The following ZFAND3 variants were observed in gnomAD, a reference collection of about 807,000 sequenced individuals.
ZFAND3 encodes the protein AN1-type zinc finger protein 3.
Under a neutral mutation model 29.6 loss-of-function variants are expected in ZFAND3, and 10 were observed. That is an observed-to-expected ratio of 0.34 (90% confidence interval 0.21 to 0.57). The LOEUF is 0.57. Among genes scored for constraint, ZFAND3 ranks in the 20% least tolerant of loss-of-function variants. ZFAND3 has a pLI of 0.86. For missense variants in ZFAND3, 230 were observed against 304.5 expected (o/e 0.76, Z 1.82); for synonymous variants, 128 against 112.6 (o/e 1.14, Z -0.87).
intron 3 of ZFAND3, among the ~76,000 whole-genome samples, chr6:38,078,321 C>T (rs1369430253): frequency 6.6e-6 from 1 of 152,144 alleles, no homozygotes; most frequent in African/African-American, 2.4e-5. Context: ...AACCAGTTAC[C>T]AGAGGCTTTA....
At chr6:38,036,240 G>A (rs1172370728) in intron 2 of ZFAND3, among the ~76,000 whole-genome samples, 5 of 152,180 alleles carry the variant, frequency 3.3e-5, no homozygotes, top group Non-Finnish European at 7.3e-5. Context: ...GAACCCAGGG[G>A]TGACCCCTAA....
chr6:38,123,545 A>T (rs1263904032), intron 5 of ZFAND3, among the ~76,000 whole-genome samples: 1 of 152,198 alleles, frequency 6.6e-6, no homozygotes, highest in Non-Finnish European at 1.5e-5. Context: ...ATCTTTTATT[A>T]TGACCAAAAC....
At chr6:37,860,613 T>C (rs1284303425) in intron 1 of ZFAND3, among the ~76,000 whole-genome samples, 1 of 151,798 alleles carries the variant, frequency 6.6e-6, no homozygotes, top group Non-Finnish European at 1.5e-5. Context: ...CAGTGATGTT[T>C]AGTGCCAAGG....
intron 1 of ZFAND3, among the ~76,000 whole-genome samples, chr6:37,884,927 A>C (rs1764962545): frequency 6.6e-6 from 1 of 152,178 alleles, no homozygotes; most frequent in Non-Finnish European, 1.5e-5. Flanking sequence ...TTTTCCCTCC[A>C]CCTTCAAATT....
chr6:37,913,785 A>G (rs550273142), intron 1 of ZFAND3, among the ~76,000 whole-genome samples: 42 of 142,368 alleles, frequency 3.0e-4, no homozygotes, highest in Admixed American at 1.1e-3. Flanking sequence ...ATCTTGACTC[A>G]CTGCAACCTC....
chr6:38,041,997 G>A (rs570704253), intron 2 of ZFAND3, among the ~76,000 whole-genome samples: 4 of 149,028 alleles, frequency 2.7e-5, no homozygotes, highest in African/African-American at 5.0e-5. Context: ...CACCACACAC[G>A]GCTTTTTTTT....
At chr6:37,845,215 T>A (rs1462174152) in intron 1 of ZFAND3, among the ~76,000 whole-genome samples, 1 of 152,172 alleles carries the variant, frequency 6.6e-6, no homozygotes, top group Non-Finnish European at 1.5e-5. Context: ...TTTAATCTTC[T>A]ACTGATGGTG....
In ZFAND3 at chr6:37,977,458, C is replaced by T. The variant is rs148714242; in HGVS notation, c.112+47459C>T. 1.2e-3 allele frequency among the ~76,000 whole-genome samples: 184 copies of T among 152,100 alleles called. 2 individuals carry two copies. In the South Asian group the frequency reaches 0.024, roughly 20 times the overall value. The stretch of plus-strand genomic sequence containing the variant: ...CTAGGATTACAGGTGCCCACCACTA[C>T]GCCTGGGTAATTTTTGTATTTTTAG... On this transcript the variant is annotated intron_variant, in intron 2 of 5. Transcript: ENST00000287218.
intron 2 of ZFAND3, among the ~76,000 whole-genome samples, chr6:37,951,377 G>A (rs954376229): frequency 6.6e-6 from 1 of 152,088 alleles, no homozygotes; most frequent in African/African-American, 2.4e-5. Flanking sequence ...CGAATCACGA[G>A]GTCAGGAGAT....
At chr6:37,918,704 G>C (rs1761314148) in intron 1 of ZFAND3, among the ~76,000 whole-genome samples, 1 of 152,096 alleles carries the variant, frequency 6.6e-6, no homozygotes, top group Non-Finnish European at 1.5e-5. Flanking sequence ...ACTTGGGTAG[G>C]ACAGGTGAAT....
chr6:38,128,480 C>A (rs926891474), intron 5 of ZFAND3, among the ~76,000 whole-genome samples: 4 of 152,134 alleles, frequency 2.6e-5, no homozygotes, highest in Non-Finnish European at 5.9e-5. Flanking sequence ...TATCCCTCAC[C>A]CCCTTCCCAC....
At chr6:37,974,092 C>A (rs1171570876) in intron 2 of ZFAND3, among the ~76,000 whole-genome samples, 1 of 152,206 alleles carries the variant, frequency 6.6e-6, no homozygotes, top group Non-Finnish European at 1.5e-5. Context: ...TACCTGCCAC[C>A]TTTACCTTCA....
chr6:38,077,827 A>G (rs1406451740), intron 3 of ZFAND3, among the ~76,000 whole-genome samples: 4 of 152,226 alleles, frequency 2.6e-5, no homozygotes, highest in Non-Finnish European at 4.4e-5. Flanking sequence ...AAATGCAGCT[A>G]TCCTCCAAAC....
intron 2 of ZFAND3, among the ~76,000 whole-genome samples, chr6:37,970,646 GT>G (rs1221769083): frequency 5.3e-5 from 8 of 152,194 alleles, no homozygotes; most frequent in Admixed American, 5.2e-4. Flanking sequence ...CTCAACGCCT[GT>G]AATCCCAGCA....
chr6:37,981,286 A>G (rs1389679162), intron 2 of ZFAND3, among the ~76,000 whole-genome samples: 1 of 152,220 alleles, frequency 6.6e-6, no homozygotes, highest in Non-Finnish European at 1.5e-5. Context: ...AAACTACAAC[A>G]TGGTGAGGTC....
chr6:38,045,728 A>G (rs1763890599), intron 2 of ZFAND3, among the ~76,000 whole-genome samples: 2 of 152,222 alleles, frequency 1.3e-5, no homozygotes, highest in Non-Finnish European at 1.5e-5. Context: ...ATAGATTACA[A>G]TAGTTTTCTT....
intron 2 of ZFAND3, among the ~76,000 whole-genome samples, chr6:37,959,191 GC>G: frequency 6.6e-6 from 1 of 152,338 alleles, no homozygotes; most frequent in East Asian, 1.9e-4. Context: ...ATGTGATGCA[GC>G]ATAGCCTAAC....
chr6:37,907,983 C>T (rs1365437973), intron 1 of ZFAND3, among the ~76,000 whole-genome samples: 2 of 152,292 alleles, frequency 1.3e-5, no homozygotes, highest in East Asian at 3.9e-4. Context: ...AATCTCATGT[C>T]AGCTACTTTA....
intron 2 of ZFAND3, among the ~76,000 whole-genome samples, chr6:37,979,200 G>C (rs1328038056): frequency 1.3e-5 from 2 of 152,074 alleles, no homozygotes; most frequent in Non-Finnish European, 2.9e-5. Context: ...CCTCGTTACT[G>C]CTTCAGTGGC....
Sources: allele counts gnomAD v4.1 joint callset (sites outside exome capture counted in the v4.1 genomes callset), GRCh38; gene constraint gnomAD v4.1.1; transcripts MANE v1.5; gene names NCBI Gene and HGNC (gene_info 2026-07-23, HGNC 2026-07-21).